The following ROBO1 variants were observed in gnomAD, a reference collection of about 807,000 sequenced individuals.
ROBO1 encodes roundabout guidance receptor 1.
Under a neutral mutation model 195.9 loss-of-function variants are expected in ROBO1, and 149 were observed. The observed-to-expected ratio is 0.76, with a 90% confidence interval of 0.67 to 0.87. ROBO1 has a LOEUF of 0.87. ROBO1 is among the 40% of genes least tolerant of loss of function. The probability of loss-of-function intolerance (pLI) is 0.00; values close to 1 mark genes in which losing one functional copy is unlikely to be tolerated. For synonymous variants in ROBO1, 816 were observed against 733.2 expected (o/e 1.11, Z -1.82); for missense variants, 1,933 against 2,068.3 (o/e 0.93, Z 1.27).
intron 2 of ROBO1, among the ~76,000 whole-genome samples, chr3:79,267,655 T>G (rs2030110198): frequency 6.6e-6 from 1 of 151,430 alleles, no homozygotes; most frequent in African/African-American, 2.4e-5. Flanking sequence ...ACTTGAAGTT[T>G]TCTTTTTCCA....
chr3:79,476,619 G>A (rs1412465879), intron 2 of ROBO1, among the ~76,000 whole-genome samples: 1 of 152,014 alleles, frequency 6.6e-6, no homozygotes, highest in Non-Finnish European at 1.5e-5. Flanking sequence ...GTAGCAACCT[G>A]GATGGAATTG....
intron 2 of ROBO1, among the ~76,000 whole-genome samples, chr3:79,293,840 C>T (rs557297169): frequency 6.6e-5 from 10 of 151,590 alleles, no homozygotes; most frequent in Admixed American, 1.3e-4. Context: ...GGGCGGATCA[C>T]GAGGTCAGGA....
At chr3:79,348,037 C>G (rs1373434740) in intron 2 of ROBO1, among the ~76,000 whole-genome samples, 1 of 151,804 alleles carries the variant, frequency 6.6e-6, no homozygotes, top group Non-Finnish European at 1.5e-5. Flanking sequence ...CATGGTGAAA[C>G]CCGTCTCTAC....
intron 2 of ROBO1, among the ~76,000 whole-genome samples, chr3:79,445,667 T>TA: frequency 6.6e-6 from 1 of 150,494 alleles, no homozygotes; most frequent in Non-Finnish European, 1.5e-5. Flanking sequence ...TGGCAATTTT[T>TA]TTTTTTTTTT....
intron 3 of ROBO1, among the ~76,000 whole-genome samples, chr3:79,062,947 G>T (rs901099722): frequency 1.3e-5 from 2 of 151,876 alleles, no homozygotes; most frequent in African/African-American, 4.8e-5. Context: ...AAACCTGCAC[G>T]TTCTGCACAT....
chr3:79,085,058 C>T (rs537374872), intron 3 of ROBO1, among the ~76,000 whole-genome samples: 77 of 152,188 alleles, frequency 5.1e-4, no homozygotes, highest in African/African-American at 1.8e-3. Context: ...GATTTCAAGA[C>T]ATATATTTTT....
At chr3:79,489,980 T>A (rs1420350769) in intron 2 of ROBO1, among the ~76,000 whole-genome samples, 1 of 152,230 alleles carries the variant, frequency 6.6e-6, no homozygotes, top group African/African-American at 2.4e-5. Context: ...CATTTGTTGA[T>A]CTTTGAAAGA....
chr3:78,887,808 C>T (rs1408942613), intron 4 of ROBO1, among the ~76,000 whole-genome samples: 1 of 152,098 alleles, frequency 6.6e-6, no homozygotes, highest in Non-Finnish European at 1.5e-5. Flanking sequence ...TCAAACCTCC[C>T]TTCTAAGTCA....
At chr3:78,793,726 A>G (rs1392804209) in intron 4 of ROBO1, among the ~76,000 whole-genome samples, 1 of 152,206 alleles carries the variant, frequency 6.6e-6, no homozygotes, top group Admixed American at 6.5e-5. Context: ...GTAGAGGAGA[A>G]GTAGAAACTG....
At chr3:78,826,253 G>C (rs138943576) in intron 4 of ROBO1, among the ~76,000 whole-genome samples, 1 of 152,026 alleles carries the variant, frequency 6.6e-6, no homozygotes, top group Admixed American at 6.6e-5. Context: ...AATATAGAAC[G>C]CACATTATAT....
rs183478012 is a variant in ROBO1 at position 79,166,764 on chromosome 3, T to C, written c.89-41225A>G. 4.5e-3 allele frequency among the ~76,000 whole-genome samples: 684 copies of C among 152,176 alleles called. 5 individuals are homozygous for C. The highest frequency in any genetic ancestry group is 0.015 in the African/African-American group (641 of 41,496). ...TTGTATTTTTAGTAGAGACGGGGTT[T>C]CACCAAGTTAGCCAGGATGGTCTCG... On this transcript the variant is annotated intron_variant, in intron 2 of 30. Transcript: ENST00000464233.
chr3:78,943,859 A>C (rs987423841), intron 3 of ROBO1, among the ~76,000 whole-genome samples: 1 of 152,190 alleles, frequency 6.6e-6, no homozygotes, highest in Non-Finnish European at 1.5e-5. Flanking sequence ...CAGAAATCTC[A>C]CATTTCTCAT....
chr3:79,330,273 G>GTATATATATATATATATATATA (rs34794861), intron 2 of ROBO1, among the ~76,000 whole-genome samples: 11 of 137,856 alleles, frequency 8.0e-5, no homozygotes, highest in African/African-American at 2.9e-4. Flanking sequence ...GTATATATAT[G>GTATATATATATATATATATATA]TATATATATA....
At chr3:79,007,223 T>C (rs952891166) in intron 3 of ROBO1, among the ~76,000 whole-genome samples, 5 of 152,196 alleles carry the variant, frequency 3.3e-5, no homozygotes, top group African/African-American at 9.7e-5. Flanking sequence ...AGATTTACCT[T>C]GGGTAGCTTT....
Position 79,279,474 on chromosome 3 carries a change from G to T in ROBO1, c.89-153935C>A, listed in dbSNP as rs981223451. On this transcript the variant is annotated intron_variant, in intron 2 of 30. Transcript: ENST00000464233. ...AAAAAGATTTTAAAAATAGCAAATG[G>T]TGGCAAGGATAAGGAGAAAAGGGAA... 9.9e-5 allele frequency among the ~76,000 whole-genome samples: 15 copies of T among 152,188 alleles called. 1 individual carries two copies. In the South Asian group the frequency reaches 2.7e-3, roughly 27 times the overall value.
rs1488792585 is a variant in ROBO1, at chr3:78,714,509, A to G, written c.933T>C (p.Asp311=). Residue 311 remains aspartate, a synonymous_variant, in exon 8 of 31, where the codon GAT becomes GAC. Coordinates refer to ENST00000464233, the MANE Select transcript of ROBO1 (RefSeq NM_002941.4). ...ELPKSRYEIR[D]DHTLKIRKVT... is the part of the protein sequence containing the mutation. Reference sequence around the variant, plus strand: ...CCTTCCTAATTTTCAAGGTATGATCATCTCGGATTTCATATCTAATGACAT... The same window carrying G: ...CCTTCCTAATTTTCAAGGTATGATCGTCTCGGATTTCATATCTAATGACAT... 6.2e-7 allele frequency: 1 copy of G among 1,610,570 alleles called. No homozygotes were observed. The highest frequency in any genetic ancestry group is 1.3e-5 in the African/African-American group (1 of 74,806).
chr3:79,404,815 T>A (rs778417850), intron 2 of ROBO1, among the ~76,000 whole-genome samples: 7 of 152,244 alleles, frequency 4.6e-5, no homozygotes, highest in Non-Finnish European at 8.8e-5. Flanking sequence ...ATTGGAATTT[T>A]AAAAATATTT....
intron 4 of ROBO1, among the ~76,000 whole-genome samples, chr3:78,777,038 T>C (rs1156280378): frequency 2.0e-5 from 3 of 152,150 alleles, no homozygotes; most frequent in Non-Finnish European, 2.9e-5. Flanking sequence ...TCTATAATAA[T>C]TACTACTATT....
chr3:79,455,239 C>T lies in ROBO1; in HGVS notation c.88+134585G>A, dbSNP rs75621780. ...AAAAGGAGGGCCTGAAGCTAGAGTA[C>T]GAGATTTAACACTTACCTCTGTGGA... On this transcript the variant is annotated intron_variant, in intron 2 of 30. Coordinates refer to ENST00000464233, the MANE Select transcript of ROBO1 (RefSeq NM_002941.4). 2.3e-3 allele frequency among the ~76,000 whole-genome samples: 351 copies of T among 152,010 alleles called. 2 individuals are homozygous for T. The highest frequency in any genetic ancestry group is 7.8e-3 in the African/African-American group (324 of 41,458).
Sources: allele counts gnomAD v4.1 joint callset (sites outside exome capture counted in the v4.1 genomes callset), GRCh38; gene constraint gnomAD v4.1.1; transcripts MANE v1.5; gene names NCBI Gene and HGNC (gene_info 2026-07-23, HGNC 2026-07-21).